TSC2: variants seen among roughly 807,000 people sequenced by gnomAD.
TSC2 encodes the protein tuberin.
Under a neutral mutation model 202.2 loss-of-function variants are expected in TSC2, and 29 were observed. The observed-to-expected ratio is 0.14, with a 90% CI of 0.11 to 0.20. TSC2 has a LOEUF of 0.20. Ranked by LOEUF, TSC2 falls within the 10% of genes least tolerant of loss-of-function variation. TSC2 has a pLI of 1.00. For synonymous variants in TSC2, 1,349 were observed against 1,044.0 expected (o/e 1.29, Z -5.63); for missense variants, 2,429 against 2,420.0 (o/e 1.00, Z -0.08).
Position 2,088,879 on chromosome 16 carries a change from GCGCACACACACACA to G in TSC2, c.*271_*284del, listed in dbSNP as rs2091275529. 1.5e-5 allele frequency: 7 copies of G among 469,710 alleles called. No homozygotes were observed. The highest frequency in any genetic ancestry group is 2.6e-5 in the Non-Finnish European group (7 of 268,442). 29.1% of individuals were successfully genotyped at this position (469,710 alleles called of 1,614,324 possible). ...ATACAGCACACTCGCGCGTGCGCGCGCGCACACACACACACACACAGTCACCTTCCTCCACCCTG... is the reference window on the plus strand; with the variant it reads ...ATACAGCACACTCGCGCGTGCGCGCGCACACAGTCACCTTCCTCCACCCTG... On this transcript the variant is annotated 3_prime_UTR_variant, in exon 42 of 42. Transcript: ENST00000219476.
chr16:2,087,117 T>G, intron 38 of TSC2: 3 of 596,764 alleles, frequency 5.0e-6, no homozygotes, highest in Non-Finnish European at 8.9e-6. Context: ...CTGGGTGTGC[T>G]GGGTGGGCAC....
intron 16 of TSC2, among the ~76,000 whole-genome samples, chr16:2,068,024 G>A (rs2087643880): frequency 6.6e-6 from 1 of 152,122 alleles, no homozygotes; most frequent in Admixed American, 6.5e-5. Context: ...CAGAGTCCTG[G>A]TTCTGGCTGC....
intron 22 of TSC2, 103 bp from the exon 23 acceptor site, chr16:2,075,696 C>T: frequency 7.7e-7 from 1 of 1,291,616 alleles, no homozygotes; most frequent in Non-Finnish European, 1.1e-6. Context: ...GCCTTCTCTC[C>T]TCTGCAGCAC....
intron 26 of TSC2, chr16:2,078,094 A>C: frequency 3.2e-6 from 1 of 315,276 alleles, no homozygotes; most frequent in Non-Finnish European, 6.1e-6. Context: ...TTTCTTCTCA[A>C]CAAGGTTTAT....
chr16:2,057,353 C>T (rs879735003), intron 9 of TSC2, among the ~76,000 whole-genome samples, 175 bp downstream of exon 9: 1 of 152,174 alleles, frequency 6.6e-6, no homozygotes, highest in African/African-American at 2.4e-5. Context: ...CCCCTGTCCT[C>T]TCCTTCCTCT....
At chr16:2,074,416 C>T (rs2088958011) in intron 22 of TSC2, 27 bp downstream of exon 22, 2 of 1,605,816 alleles carry the variant, frequency 1.2e-6, no homozygotes, top group Admixed American at 1.7e-5. Flanking sequence ...CCTGCGCATG[C>T]ACCCGAGAGG....
intron 22 of TSC2, among the ~76,000 whole-genome samples, chr16:2,075,579 A>C (rs1341469341): frequency 2.7e-5 from 4 of 150,714 alleles, no homozygotes; most frequent in African/African-American, 7.4e-5. Flanking sequence ...CTCACGGATC[A>C]CACAAATGGT....
chr16:2,081,453 C>T, intron 30 of TSC2, 142 bp from the exon 31 acceptor site: 1 of 1,117,092 alleles, frequency 9.0e-7, no homozygotes, highest in Non-Finnish European at 1.3e-6. Flanking sequence ...CAGAGCAGCG[C>T]TGGCTCCGAC....
intron 38 of TSC2, chr16:2,087,122 G>A: frequency 1.7e-6 from 1 of 585,448 alleles, no homozygotes; most frequent in Non-Finnish European, 3.0e-6. Context: ...TGTGCTGGGT[G>A]GGCACAGTGT....
In TSC2 at chr16:2,072,019, C is replaced by T. The variant is rs1239664249; in HGVS notation, c.2097+85C>T. On this transcript the variant is annotated intron_variant, in intron 19 of 41. Transcript: ENST00000219476. ...CCACCTGCCTGCTGGGCCTCCCTCC[C>T]TGTCTGGCCTGTGGAGGGCAGCCCT... The T allele has an allele frequency of 8.7e-6, 13 of 1,492,414 alleles. No homozygotes were observed. The Admixed American group carries it at 2.6e-4, about 29-fold the overall frequency. The allele number at this position is 1,492,414 out of a possible 1,614,324, so 92.4% of individuals were successfully genotyped here. A position where few individuals can be genotyped will look rare whatever the true frequency, so the allele number is the denominator to read the frequency against.
At chr16:2,076,928 G>A (rs1481176951) in intron 25 of TSC2, among the ~76,000 whole-genome samples, 2 of 152,126 alleles carry the variant, frequency 1.3e-5, no homozygotes, top group African/African-American at 4.8e-5. Flanking sequence ...CGGGGACTCT[G>A]CTTCATCACC....
Position 2,086,273 on chromosome 16 carries a change from C to T in TSC2, c.4743C>T (p.Leu1581=). 6.2e-7 allele frequency: 1 copy of T among 1,612,884 alleles called. No individual in the cohort carries two copies. Among genetic ancestry groups the T allele is most frequent in the Non-Finnish European group, 8.5e-7 (1 of 1,179,962 alleles). ...AGTTCCTGACGGGCCTGGGCCGGCTCATCGAGCTGAAGGACTGCCAGCCGG... is the reference window on the plus strand; with the variant it reads ...AGTTCCTGACGGGCCTGGGCCGGCTTATCGAGCTGAAGGACTGCCAGCCGG... ...YTEFLTGLGR[L]IELKDCQPDK... is the part of the protein sequence containing the mutation. Residue 1581 remains leucine (L), a synonymous_variant, in exon 37 of 42, where the codon CTC becomes CTT. Transcript: ENST00000219476.
At chr16:2,082,368 GCT>G in intron 31 of TSC2, 66 bp from the exon 32 acceptor site, 2 of 1,570,784 alleles carry the variant, frequency 1.3e-6, no homozygotes, top group South Asian at 1.1e-5. Context: ...CGGGGCCTGT[GCT>G]CTCTGCTCGA....
rs373982157 is a variant in TSC2 at position 2,084,279 on chromosome 16, G to T, written c.4057G>T (p.Val1353Phe). 2 of 1,611,568 alleles carry T rather than the reference G, an allele frequency of 1.2e-6. No homozygotes were observed. The highest frequency in any genetic ancestry group is 1.7e-6 in the Non-Finnish European group (2 of 1,179,530). ...GAAGTCGCTCCACGCGGAGGAGCTGGTTGGCAGGGGCATCCCCATCGAGCG... is the reference window on the plus strand; with the variant it reads ...GAAGTCGCTCCACGCGGAGGAGCTGTTTGGCAGGGGCATCCCCATCGAGCG... ...EEKSLHAEEL[V>F]GRGIPIERVV... The change falls in exon 34 of 42, where the codon GTT (valine) becomes TTT (phenylalanine). Residue 1353 changes from valine to phenylalanine, a missense_variant. By Grantham distance (50) the Val-to-Phe change is conservative. Transcript: ENST00000219476.
Position 2,071,871 on chromosome 16 carries a change from C to T in TSC2, c.2034C>T (p.Ala678=), listed in dbSNP as rs781740263. 54 of 1,595,276 alleles carry T rather than the reference C, an allele frequency of 3.4e-5. No individual in the cohort carries two copies. The highest frequency in any genetic ancestry group is 3.3e-4 in the Middle Eastern group (2 of 6,004). Residue 678 remains alanine, a synonymous_variant, in exon 19 of 42, where the codon GCC becomes GCT. Coordinates refer to ENST00000219476, the MANE Select transcript of TSC2 (RefSeq NM_000548.5). Reference sequence around the variant, plus strand: ...CTGGCCCGGCGCCTGCAGGCCCCGCCGTGCGGCTGGGGTCCGTGCCCTACT... The same window carrying T: ...CTGGCCCGGCGCCTGCAGGCCCCGCTGTGCGGCTGGGGTCCGTGCCCTACT... ...GPPGPAPAGP[A]VRLGSVPYSL... is the part of the protein sequence containing the mutation.
In TSC2 at chr16:2,079,396, C is replaced by A. The variant is rs45517286; in HGVS notation, c.3252C>A (p.Asp1084Glu). Residue 1084 changes from aspartate to glutamate, a missense_variant, in exon 28 of 42, where the codon GAC becomes GAA. Asp to Glu is a conservative substitution (Grantham distance 45). Transcript: ENST00000219476. This position sits in a 1 kb window ranked among gnomAD's most constrained non-coding sequence, Gnocchi z 4.6. ...GGACCCGGTCGTTACTAGGCCTGGACTCGGGGGAGCTGCAGTCCGGCCCGG... is the reference window on the plus strand; with the variant it reads ...GGACCCGGTCGTTACTAGGCCTGGAATCGGGGGAGCTGCAGTCCGGCCCGG... ...GTGTRSLLGL[D>E]SGELQSGPES... 6.2e-7 allele frequency: 1 copy of A among 1,612,836 alleles called. No individual in the cohort carries two copies.
intron 15 of TSC2, chr16:2,064,818 G>A (rs2087095292): frequency 3.1e-6 from 1 of 326,964 alleles, no homozygotes; most frequent in Non-Finnish European, 5.9e-6. Context: ...TTGCTTTTGA[G>A]CAATAAAGAT....
At chr16:2,060,559 T>G in intron 10 of TSC2, 111 bp from the exon 11 acceptor site, 1 of 1,568,804 alleles carries the variant, frequency 6.4e-7, no homozygotes, top group South Asian at 1.1e-5. Flanking sequence ...AAACGTGTGG[T>G]GGGCACTGCG....
intron 32 of TSC2, chr16:2,083,132 C>G (rs1197541263): frequency 1.8e-5 from 8 of 456,016 alleles, no homozygotes; most frequent in Non-Finnish European, 2.6e-5. Context: ...GTGATGGTCC[C>G]CTCTGTTGCT....
Sources: allele counts gnomAD v4.1 joint callset (sites outside exome capture counted in the v4.1 genomes callset), GRCh38; gene constraint gnomAD v4.1.1; non-coding constraint Gnocchi (gnomAD v3.1); transcripts MANE v1.5; gene names NCBI Gene and HGNC (gene_info 2026-07-23, HGNC 2026-07-21).